MSI2: variants seen among roughly 807,000 people sequenced by gnomAD.
The protein encoded by MSI2 is musashi RNA binding protein 2.
Under a neutral mutation model 45.6 loss-of-function variants are expected in MSI2, and 17 were observed. That is an observed-to-expected ratio of 0.37 (90% CI 0.26 to 0.56). The LOEUF is 0.56. MSI2 is among the 20% of genes least tolerant of loss of function. The pLI is 0.77. For missense variants in MSI2, 293 were observed against 444.2 expected, an observed-to-expected ratio of 0.66 and a Z score of 3.06; for synonymous variants, 156 against 158.2, an observed-to-expected ratio of 0.99 and a Z score of 0.11.
chr17:57,675,414 C>T (rs1162336420), intron 12 of MSI2, among the ~76,000 whole-genome samples: 2 of 152,260 alleles, frequency 1.3e-5, no homozygotes, highest in African/African-American at 2.4e-5. Flanking sequence ...GATAACCCGT[C>T]TGAATCTCAT....
chr17:57,655,694 G>A (rs1177669702), intron 11 of MSI2, among the ~76,000 whole-genome samples: 1 of 152,126 alleles, frequency 6.6e-6, no homozygotes, highest in Non-Finnish European at 1.5e-5. Context: ...TCTTACGCTA[G>A]GATCTGCACA....
intron 4 of MSI2, among the ~76,000 whole-genome samples, chr17:57,259,074 G>A (rs1907077470): frequency 6.6e-6 from 1 of 152,174 alleles, no homozygotes; most frequent in African/African-American, 2.4e-5. Context: ...GAAGGGGAAG[G>A]GAAGAAAGAG....
At chr17:57,418,067 CTG>C (rs1470812295) in intron 6 of MSI2, among the ~76,000 whole-genome samples, 1 of 152,158 alleles carries the variant, frequency 6.6e-6, no homozygotes, top group Non-Finnish European at 1.5e-5. Context: ...ATTTTAGACT[CTG>C]TGGGCCATAC....
intron 5 of MSI2, among the ~76,000 whole-genome samples, chr17:57,307,560 G>A (rs1461440678): frequency 6.6e-6 from 1 of 152,160 alleles, no homozygotes; most frequent in Non-Finnish European, 1.5e-5. Context: ...GAGTAGCTGG[G>A]ATTACAGGCA....
At chr17:57,413,171 ACT>A (rs375283886) in intron 6 of MSI2, among the ~76,000 whole-genome samples, 8 of 145,620 alleles carry the variant, frequency 5.5e-5, no homozygotes, top group South Asian at 4.2e-4. Context: ...ACACACACAC[ACT>A]CTCTCTCTCT....
intron 7 of MSI2, among the ~76,000 whole-genome samples, chr17:57,574,959 C>T (rs778243092): frequency 2.0e-5 from 3 of 151,818 alleles, no homozygotes; most frequent in South Asian, 2.1e-4. Context: ...GCCTCCCAAG[C>T]AGCTGGGACT....
At chr17:57,623,979 T>G (rs1908554212) in intron 9 of MSI2, among the ~76,000 whole-genome samples, 1 of 152,214 alleles carries the variant, frequency 6.6e-6, no homozygotes, top group Non-Finnish European at 1.5e-5. Flanking sequence ...AATTCTCATC[T>G]TTGTGGTTTG....
intron 5 of MSI2, among the ~76,000 whole-genome samples, chr17:57,272,600 T>G (rs1232467540): frequency 6.6e-6 from 1 of 152,236 alleles, no homozygotes; most frequent in Non-Finnish European, 1.5e-5. Flanking sequence ...CATGTTGCTC[T>G]TGTGCAAGAA....
At chr17:57,699,182 A>AGAGAGAGT in the MSI2 span, among the ~76,000 whole-genome samples, 3 of 25,086 alleles carry the variant, frequency 1.2e-4, no homozygotes, top group African/African-American at 3.1e-4. Context: ...AGAGAGAGAG[A>AGAGAGAGT]GTGTGTGTGT....
chr17:57,390,316 T>C (rs6503811), intron 5 of MSI2, among the ~76,000 whole-genome samples: 141,844 of 152,284 alleles, frequency 0.93, 66,942 homozygotes, highest in Non-Finnish European at 1. Context: ...ATGGCAGAAG[T>C]AGCTTCTTAC....
intron 5 of MSI2, among the ~76,000 whole-genome samples, chr17:57,341,156 G>A (rs1394662017): frequency 6.6e-6 from 1 of 152,192 alleles, no homozygotes; most frequent in East Asian, 1.9e-4. Context: ...CAGGGCTGGG[G>A]TGGGCCAGGG....
At chr17:57,343,852 A>G (rs1915375633) in intron 5 of MSI2, among the ~76,000 whole-genome samples, 1 of 152,184 alleles carries the variant, frequency 6.6e-6, no homozygotes, top group South Asian at 2.1e-4. Flanking sequence ...CCAATAGAAC[A>G]TTCTTGTCTA....
intron 5 of MSI2, among the ~76,000 whole-genome samples, chr17:57,383,872 C>G (rs534957209): frequency 1.3e-5 from 2 of 152,304 alleles, no homozygotes; most frequent in South Asian, 2.1e-4. Flanking sequence ...CCAGGTCACT[C>G]CACGGCTTGG....
At chr17:57,417,266 A>C (rs2084312530) in intron 6 of MSI2, among the ~76,000 whole-genome samples, 2 of 152,126 alleles carry the variant, frequency 1.3e-5, no homozygotes, top group African/African-American at 4.8e-5. Context: ...TGGTAGGTGG[A>C]GGAGAGGAGG....
At chr17:57,491,837 C>G (rs940960591) in intron 6 of MSI2, among the ~76,000 whole-genome samples, 2 of 152,212 alleles carry the variant, frequency 1.3e-5, no homozygotes, top group African/African-American at 4.8e-5. Flanking sequence ...ACCTTTCTAG[C>G]CTGGCAGCTT....
chr17:57,337,680 C>A (rs1169539300), intron 5 of MSI2, among the ~76,000 whole-genome samples: 1 of 152,228 alleles, frequency 6.6e-6, no homozygotes, highest in Non-Finnish European at 1.5e-5. Flanking sequence ...TTCTTCACAT[C>A]ATGAATTGGT....
chr17:57,527,505 G>A (rs1486032590), intron 6 of MSI2, among the ~76,000 whole-genome samples: 1 of 152,152 alleles, frequency 6.6e-6, no homozygotes, highest in African/African-American at 2.4e-5. Flanking sequence ...AGTTTGTCCT[G>A]CCTGGGATGG....
At chr17:57,631,489 G>A in intron 10 of MSI2, 1 of 330,000 alleles carries the variant, frequency 3.0e-6, no homozygotes, top group Non-Finnish European at 5.5e-6. Flanking sequence ...AGTGGCACCT[G>A]GCTGTGCCCA....
intron 6 of MSI2, among the ~76,000 whole-genome samples, chr17:57,447,694 C>T (rs976824741): frequency 3.9e-5 from 6 of 152,126 alleles, no homozygotes; most frequent in Admixed American, 3.9e-4. Flanking sequence ...GGATCATCCC[C>T]TGAGGAGTGC....
Sources: allele counts gnomAD v4.1 joint callset (sites outside exome capture counted in the v4.1 genomes callset), GRCh38; gene constraint gnomAD v4.1.1; transcripts MANE v1.5; gene names NCBI Gene and HGNC (gene_info 2026-07-23, HGNC 2026-07-21).